The following GALNT18 variants were observed in gnomAD, a reference collection of about 807,000 sequenced individuals.
GALNT18 encodes GalNAc-transferase 18.
A neutral mutation model predicts 69.5 loss-of-function variants in GALNT18; 44 were observed. The observed-to-expected ratio is 0.63, with a 90% CI of 0.50 to 0.81. The LOEUF (loss-of-function observed/expected upper bound fraction) is 0.81. Ranked by LOEUF, GALNT18 falls within the 40% of genes least tolerant of loss-of-function variation. The pLI is 0.00. For synonymous variants in GALNT18, 364 were observed against 318.2 expected, an observed-to-expected ratio of 1.14 and a Z score of -1.53; for missense variants, 715 against 810.0, an observed-to-expected ratio of 0.88 and a Z score of 1.42.
At chr11:11,291,485 C>G (rs1033417958) in intron 10 of GALNT18, among the ~76,000 whole-genome samples, 1 of 151,974 alleles carries the variant, frequency 6.6e-6, no homozygotes, top group Admixed American at 6.5e-5. Context: ...ATAGTAAGTA[C>G]TGTATGAATG....
At chr11:11,440,064 G>A (rs954451698) in intron 2 of GALNT18, among the ~76,000 whole-genome samples, 2 of 152,238 alleles carry the variant, frequency 1.3e-5, no homozygotes, top group Non-Finnish European at 2.9e-5. Context: ...AATTGCTGAT[G>A]AGTAAACTGC....
chr11:11,350,945 G>A (rs1207436045), intron 6 of GALNT18, among the ~76,000 whole-genome samples: 1 of 152,166 alleles, frequency 6.6e-6, no homozygotes, highest in Non-Finnish European at 1.5e-5. Context: ...AGTTCTGAGA[G>A]CTGCTGTTTC....
rs199996047 is a variant in GALNT18, at chr11:11,383,843, C to G, written c.596-4579G>C. On this transcript the variant is annotated intron_variant, in intron 3 of 10. Coordinates refer to ENST00000227756, the MANE Select transcript of GALNT18 (RefSeq NM_198516.3). The surrounding 1 kb of genome is among the most constrained non-coding windows in gnomAD (Gnocchi z 5.2). ...TCTCTCTCTCTCTCTCTCTCTCTGT[C>G]TCTCTCTCCCTCTCTCTCCTGCCAC... Among the ~76,000 whole-genome samples the G allele has an allele frequency of 7.4e-6, 1 of 134,532 alleles. No homozygotes were observed. The highest frequency in any genetic ancestry group is 1.7e-5 in the Non-Finnish European group (1 of 59,526). The allele number at this position is 134,532 out of a possible 152,430, so 88.3% of individuals were successfully genotyped here. A position where few individuals can be genotyped will look rare whatever the true frequency, so the allele number is the denominator to read the frequency against.
intron 1 of GALNT18, among the ~76,000 whole-genome samples, chr11:11,513,508 A>G (rs1857205127): frequency 6.6e-6 from 1 of 152,234 alleles, no homozygotes; most frequent in African/African-American, 2.4e-5. Flanking sequence ...AGATTGGCAC[A>G]TCTCAAAGAG....
chr11:11,496,767 G>A lies in GALNT18; in HGVS notation c.236-47831C>T, dbSNP rs1041125753. On this transcript the variant is annotated intron_variant, in intron 1 of 10. Coordinates refer to ENST00000227756, the MANE Select transcript of GALNT18 (RefSeq NM_198516.3). The surrounding 1 kb of genome is among the most constrained non-coding windows in gnomAD (Gnocchi z 4.0). Reference sequence around the variant, plus strand: ...CCTGGCTGCTTCTGCTATCCCCACTGCAGTGGTCTGAACCCCCTCCATTTC... The same window carrying A: ...CCTGGCTGCTTCTGCTATCCCCACTACAGTGGTCTGAACCCCCTCCATTTC... Among the ~76,000 whole-genome samples, 1 of 150,928 alleles carries A rather than the reference G, an allele frequency of 6.6e-6. No individual in the cohort carries two copies. Among genetic ancestry groups the A allele is most frequent in the Non-Finnish European group, 1.5e-5 (1 of 67,842 alleles).
At chr11:11,566,025 A>T (rs1048491114) in intron 1 of GALNT18, among the ~76,000 whole-genome samples, 1 of 152,200 alleles carries the variant, frequency 6.6e-6, no homozygotes, top group Non-Finnish European at 1.5e-5. Context: ...AGAGATATGG[A>T]TGGAGCATGC....
At chr11:11,593,374 A>T (rs534494254) in intron 1 of GALNT18, among the ~76,000 whole-genome samples, 1 of 152,106 alleles carries the variant, frequency 6.6e-6, no homozygotes, top group African/African-American at 2.4e-5. Context: ...CATGAGTCTA[A>T]AAAAATCTAT....
chr11:11,507,743 G>A (rs1402389059), intron 1 of GALNT18, among the ~76,000 whole-genome samples: 1 of 152,212 alleles, frequency 6.6e-6, no homozygotes, highest in East Asian at 1.9e-4. Context: ...TGAGGGCATT[G>A]CCAAAGGAGA....
chr11:11,312,788 T>A (rs189205315), intron 9 of GALNT18, among the ~76,000 whole-genome samples: 3 of 152,342 alleles, frequency 2.0e-5, no homozygotes. Context: ...AGCCTTCATT[T>A]ACATAAAAAA....
intron 10 of GALNT18, among the ~76,000 whole-genome samples, chr11:11,275,081 A>C (rs1848911910): frequency 6.6e-6 from 1 of 152,244 alleles, no homozygotes. Context: ...CGCTAGGTCA[A>C]ATAGTATTTC....
chr11:11,437,535 A>G (rs1178537947), intron 2 of GALNT18, among the ~76,000 whole-genome samples: 1 of 152,104 alleles, frequency 6.6e-6, no homozygotes, highest in African/African-American at 2.4e-5. Flanking sequence ...CAAGGGCTTC[A>G]GTGCTGTACG....
chr11:11,510,768 A>T (rs1857150027), intron 1 of GALNT18, among the ~76,000 whole-genome samples: 1 of 152,096 alleles, frequency 6.6e-6, no homozygotes, highest in East Asian at 1.9e-4. Context: ...AGAAAATGGG[A>T]TCTCTGTGAC....
Position 11,596,949 on chromosome 11 carries a change from G to A in GALNT18, c.235+24410C>T, listed in dbSNP as rs1381698995. Reference sequence around the variant, plus strand: ...GTTAGTTGTGGGATTTTTTGTAGATGTTCTTCATCAGGTTGTTGAAATTAT... The same window carrying A: ...GTTAGTTGTGGGATTTTTTGTAGATATTCTTCATCAGGTTGTTGAAATTAT... On this transcript the variant is annotated intron_variant, in intron 1 of 10. Transcript: ENST00000227756. This position sits in a 1 kb window ranked among gnomAD's most constrained non-coding sequence, Gnocchi z 4.2. Among the ~76,000 whole-genome samples, 1 of 152,096 alleles carries A rather than the reference G, an allele frequency of 6.6e-6. No individual in the cohort carries two copies. The highest frequency in any genetic ancestry group is 1.5e-5 in the Non-Finnish European group (1 of 67,980).
At chr11:11,379,480 T>C (rs1853858541) in intron 3 of GALNT18, among the ~76,000 whole-genome samples, 1 of 152,222 alleles carries the variant, frequency 6.6e-6, no homozygotes, top group African/African-American at 2.4e-5. Context: ...CAGTATTTTC[T>C]GAGGTCCAGC....
At chr11:11,312,105 T>C (rs12798862) in intron 9 of GALNT18, among the ~76,000 whole-genome samples, 65,985 of 151,186 alleles carry the variant, frequency 0.44, 14,617 homozygotes, top group Admixed American at 0.48. Flanking sequence ...TACAGGTGCC[T>C]GCCACCATGC....
At chr11:11,513,467 G>A (rs568198432) in intron 1 of GALNT18, among the ~76,000 whole-genome samples, 3 of 152,262 alleles carry the variant, frequency 2.0e-5, no homozygotes, top group Non-Finnish European at 2.9e-5. Flanking sequence ...TCAAAGACGT[G>A]GGTTGTCCTT....
intron 6 of GALNT18, among the ~76,000 whole-genome samples, chr11:11,349,008 A>G (rs1250901289): frequency 6.7e-6 from 1 of 150,068 alleles, no homozygotes; most frequent in Non-Finnish European, 1.5e-5. Flanking sequence ...CCCCAGAGGT[A>G]ACCCATTATC....
Position 11,594,848 on chromosome 11 carries a change from T to TATATATATATAC in GALNT18, c.235+26510_235+26511insGTATATATATAT, listed in dbSNP as rs1488821833. Among the ~76,000 whole-genome samples, 37 of 114,268 alleles carry TATATATATATAC rather than the reference T, an allele frequency of 3.2e-4. No individual in the cohort carries two copies. In the East Asian group the frequency reaches 3.6e-3, roughly 11 times the overall value. The allele number at this position is 114,268 out of a possible 152,430, so 75.0% of individuals were successfully genotyped here. On this transcript the variant is annotated intron_variant, in intron 1 of 10. Transcript: ENST00000227756. ...ATATATATATATATATATACACATA[T>TATATATATATAC]ACATACATACACACACATAAATATA...
chr11:11,288,785 G>T (rs1313840316), intron 10 of GALNT18, among the ~76,000 whole-genome samples: 2 of 152,158 alleles, frequency 1.3e-5, no homozygotes, highest in African/African-American at 4.8e-5. Flanking sequence ...TAGAGGAAAT[G>T]TATTTTATTT....
Sources: gnomAD v4.1 joint callset for allele counts (sites outside exome capture counted in the v4.1 genomes callset) on GRCh38, gnomAD v4.1.1 for gene constraint, Gnocchi (gnomAD v3.1) non-coding constraint, MANE v1.5 for transcripts, NCBI Gene and HGNC (gene_info 2026-07-23, HGNC 2026-07-21) for gene names.